EIPR1: variants seen among roughly 807,000 people sequenced by gnomAD.
The protein encoded by EIPR1 is EARP complex and GARP complex interacting protein 1, also known as EARP and GARP complex-interacting protein 1.
EIPR1 carries 25 observed loss-of-function variants against 48.1 expected under a neutral mutation model. The ratio of observed to expected loss-of-function variants is 0.52; its 90% CI spans 0.38 to 0.73. The LOEUF (loss-of-function observed/expected upper bound fraction) is 0.73, where lower values mean the gene tolerates loss of function less well. Ranked by LOEUF, EIPR1 falls within the 30% of genes least tolerant of loss-of-function variation. The probability of loss-of-function intolerance (pLI) is 0.00; values close to 1 mark genes in which losing one functional copy is unlikely to be tolerated. For missense variants in EIPR1, 415 were observed against 506.2 expected (o/e 0.82, Z 1.73); for synonymous variants, 204 against 201.9 (o/e 1.01, Z -0.09).
At chr2:3,215,953 T>C (rs1572307319) in intron 4 of EIPR1, among the ~76,000 whole-genome samples, 1 of 152,206 alleles carries the variant, frequency 6.6e-6, no homozygotes, top group South Asian at 2.1e-4. Context: ...ACACATAATA[T>C]GTAGTAAACA....
At chr2:3,264,191 T>C (rs1667419634) in intron 3 of EIPR1, among the ~76,000 whole-genome samples, 1 of 152,224 alleles carries the variant, frequency 6.6e-6, no homozygotes, top group African/African-American at 2.4e-5. Flanking sequence ...GCTCTGCTTC[T>C]GTGACTTCAG....
chr2:3,327,140 C>T lies in EIPR1; in HGVS notation c.259+10877G>A, dbSNP rs550676750. On this transcript the variant is annotated intron_variant, in intron 3 of 8. Transcript: ENST00000382125. The stretch of plus-strand genomic sequence containing the variant: ...GGGACCCCGGGGAGCTAGGGTAGAG[C>T]GGGGCCTTCAGGAGGCGGTGGATAT... 7.2e-5 allele frequency among the ~76,000 whole-genome samples: 11 copies of T among 152,300 alleles called. 2 individuals carry two copies. The South Asian group carries it at 2.1e-3, about 29-fold the overall frequency.
At chr2:3,372,090 G>T (rs1333411470) in intron 1 of EIPR1, among the ~76,000 whole-genome samples, 1 of 150,876 alleles carries the variant, frequency 6.6e-6, no homozygotes. Context: ...ATTCAAAACC[G>T]CTCAACTACA....
rs1004733219 is a variant in EIPR1, at chr2:3,312,280, G to A, written c.259+25737C>T. Among the ~76,000 whole-genome samples the A allele has an allele frequency of 2.0e-5, 3 of 152,118 alleles. No individual in the cohort carries two copies. Among genetic ancestry groups the A allele is most frequent in the Non-Finnish European group, 4.4e-5 (3 of 68,020 alleles). ...CCGGGTGTGCTCTGACGTTTTACCCGCCATCCCACTGACCACAGCTTGGTC... is the reference window on the plus strand; with the variant it reads ...CCGGGTGTGCTCTGACGTTTTACCCACCATCCCACTGACCACAGCTTGGTC... On this transcript the variant is annotated intron_variant, in intron 3 of 8. Coordinates refer to ENST00000382125, the MANE Select transcript of EIPR1 (RefSeq NM_003310.5). The surrounding 1 kb of genome is among the most constrained non-coding windows in gnomAD (Gnocchi z 5.5).
At chr2:3,243,118 C>T (rs1666688951) in intron 4 of EIPR1, among the ~76,000 whole-genome samples, 1 of 152,216 alleles carries the variant, frequency 6.6e-6, no homozygotes, top group South Asian at 2.1e-4. Context: ...ACTCAGACAT[C>T]TCTCACTGGG....
intron 4 of EIPR1, among the ~76,000 whole-genome samples, chr2:3,216,012 A>G (rs1465524973): frequency 3.3e-5 from 5 of 152,196 alleles, no homozygotes; most frequent in Non-Finnish European, 7.3e-5. Context: ...TCCAAAACCC[A>G]CTGCTCCTGT....
intron 3 of EIPR1, among the ~76,000 whole-genome samples, chr2:3,275,015 T>A (rs1017762223): frequency 2.0e-5 from 3 of 151,474 alleles, no homozygotes; most frequent in African/African-American, 7.3e-5. Context: ...CAGCATAAAG[T>A]AAGATGAAAG....
chr2:3,208,181 C>T (rs1665299343), intron 5 of EIPR1: 1 of 212,142 alleles, frequency 4.7e-6, no homozygotes, highest in Non-Finnish European at 9.4e-6. Context: ...TTTTATTTAC[C>T]AGATTTTGTT....
At chr2:3,217,663 A>G (rs1572310118) in intron 4 of EIPR1, among the ~76,000 whole-genome samples, 2 of 152,310 alleles carry the variant, frequency 1.3e-5, no homozygotes, top group African/African-American at 4.8e-5. Flanking sequence ...TCTGTGAAGC[A>G]ATGGGCTCCA....
At chr2:3,367,590 C>A (rs925766661) in intron 1 of EIPR1, among the ~76,000 whole-genome samples, 1 of 152,124 alleles carries the variant, frequency 6.6e-6, no homozygotes, top group Non-Finnish European at 1.5e-5. Flanking sequence ...ACTCGTAAAC[C>A]GAATCCAGCA....
intron 3 of EIPR1, among the ~76,000 whole-genome samples, chr2:3,334,390 G>A (rs540831330): frequency 6.6e-6 from 1 of 152,334 alleles, no homozygotes; most frequent in East Asian, 1.9e-4. Flanking sequence ...GGTGAGCTAA[G>A]GGCAAAAACT....
chr2:3,348,164 G>A (rs1472847168), intron 2 of EIPR1, among the ~76,000 whole-genome samples: 2 of 152,152 alleles, frequency 1.3e-5, no homozygotes, highest in Non-Finnish European at 2.9e-5. Context: ...ATGCAGAACC[G>A]CGCAGCTTAG....
chr2:3,277,758 G>A (rs1211354700), intron 3 of EIPR1, among the ~76,000 whole-genome samples: 1 of 152,244 alleles, frequency 6.6e-6, no homozygotes, highest in Non-Finnish European at 1.5e-5. Context: ...TTTACTTGTT[G>A]CGCAGCCTCG....
intron 4 of EIPR1, among the ~76,000 whole-genome samples, chr2:3,238,970 A>G (rs1298219650): frequency 6.6e-6 from 1 of 152,252 alleles, no homozygotes; most frequent in Non-Finnish European, 1.5e-5. Context: ...TTCCAGGACT[A>G]TCTAAGCTCG....
intron 4 of EIPR1, among the ~76,000 whole-genome samples, chr2:3,219,085 A>G (rs1665763419): frequency 6.7e-6 from 1 of 149,868 alleles, no homozygotes. Flanking sequence ...TATACTCTAG[A>G]GCATTCACAG....
At chr2:3,371,714 G>A (rs1671120036) in intron 1 of EIPR1, among the ~76,000 whole-genome samples, 1 of 152,164 alleles carries the variant, frequency 6.6e-6, no homozygotes, top group Non-Finnish European at 1.5e-5. Flanking sequence ...CAATACAGGA[G>A]CACCCAGATT....
In EIPR1 at chr2:3,253,080, TG is replaced by T. The variant is rs1302669425; in HGVS notation, c.416+4218del. On this transcript the variant is annotated intron_variant, in intron 4 of 8. Coordinates refer to ENST00000382125, the MANE Select transcript of EIPR1 (RefSeq NM_003310.5). ...GTCTGATAGGAAACATTTTATAGCC[TG>T]TTCTCTCGGAAGCTGCCACCTGAAG... 2.6e-5 allele frequency among the ~76,000 whole-genome samples: 4 copies of T among 152,332 alleles called. No homozygotes were observed. In the East Asian group the frequency reaches 7.7e-4, roughly 29 times the overall value.
intron 1 of EIPR1, among the ~76,000 whole-genome samples, chr2:3,369,443 T>C (rs1320558908): frequency 6.6e-6 from 1 of 152,112 alleles, no homozygotes; most frequent in African/African-American, 2.4e-5. Context: ...ATTGCCTCAC[T>C]CGGGAAGTGC....
At chr2:3,340,905 T>A (rs1450050803) in intron 2 of EIPR1, among the ~76,000 whole-genome samples, 1 of 151,856 alleles carries the variant, frequency 6.6e-6, no homozygotes, top group Non-Finnish European at 1.5e-5. Flanking sequence ...AAGACCAGCC[T>A]GGACAATATG....
Sources: allele counts gnomAD v4.1 joint callset (sites outside exome capture counted in the v4.1 genomes callset), GRCh38; gene constraint gnomAD v4.1.1; non-coding constraint Gnocchi (gnomAD v3.1); transcripts MANE v1.5; gene names NCBI Gene and HGNC (gene_info 2026-07-23, HGNC 2026-07-21).